The following RGS5 variants were observed in gnomAD, a reference collection of about 807,000 sequenced individuals.
RGS5 encodes the protein regulator of G-protein signalling 5.
In RGS5, 20 loss-of-function variants were observed where a neutral mutation model predicts 18.9. That is an observed-to-expected ratio of 1.06 (90% CI 0.74 to 1.54). RGS5 has a LOEUF of 1.54. Among genes scored for constraint, RGS5 ranks in the 40% most tolerant of loss-of-function variants. The pLI, the probability that RGS5 is intolerant of heterozygous loss-of-function variation, is 0.00. For missense variants in RGS5, 201 were observed against 211.8 expected (o/e 0.95, Z 0.32); for synonymous variants, 57 against 76.2 (o/e 0.75, Z 1.31).
At chr1:163,285,380 C>T (rs1382080345) in intron 2 of RGS5, among the ~76,000 whole-genome samples, 1 of 151,922 alleles carries the variant, frequency 6.6e-6, no homozygotes, top group Non-Finnish European at 1.5e-5. Context: ...CATGGTGAAA[C>T]CCTGTCTCTA....
At chr1:163,217,653 C>T (rs1407910732), upstream of RGS5, 1 of 1,502,012 alleles carries the variant, frequency 6.7e-7, no homozygotes, top group Non-Finnish European at 8.9e-7. Flanking sequence ...GGCTAGTGTT[C>T]CTTAGAATTT....
intron 2 of RGS5, chr1:163,304,757 T>C (rs922336893): frequency 1.3e-5 from 2 of 152,240 alleles, no homozygotes; most frequent in East Asian, 3.8e-4. Context: ...AGGTGATCCC[T>C]AGATGTTTAA....
chr1:163,302,151 T>C (rs939976246), intron 2 of RGS5, among the ~76,000 whole-genome samples: 1 of 152,186 alleles, frequency 6.6e-6, no homozygotes, highest in South Asian at 2.1e-4. Flanking sequence ...CTCTGAAGAC[T>C]AGAGAAGAAT....
rs1657193010 is a variant in RGS5 at position 163,147,644 on chromosome 1, T to C, written c.385-141A>G. The C allele has an allele frequency of 1.7e-5, 13 of 757,334 alleles. No individual in the cohort carries two copies. The East Asian group carries it at 3.8e-4, about 22-fold the overall frequency. 46.9% of individuals were successfully genotyped at this position (757,334 alleles called of 1,614,324 possible). A position where few individuals can be genotyped will look rare whatever the true frequency, so the allele number is the denominator to read the frequency against. The stretch of plus-strand genomic sequence containing the variant: ...AAAACTGAGACATGTCACTTCTCAC[T>C]TTATAGGCGATGGGATAAGGCAGCT... On this transcript the variant is annotated intron_variant, in intron 4 of 4. Coordinates refer to ENST00000313961, the MANE Select transcript of RGS5 (RefSeq NM_003617.4).
chr1:163,234,891 T>G (rs1052454238), intron 2 of RGS5, among the ~76,000 whole-genome samples: 1 of 152,174 alleles, frequency 6.6e-6, no homozygotes, highest in Non-Finnish European at 1.5e-5. Flanking sequence ...TTTCTCCATG[T>G]TTTCTTTCAT....
intron 2 of RGS5, among the ~76,000 whole-genome samples, chr1:163,284,731 C>CT (rs1649099544): frequency 6.6e-6 from 1 of 152,042 alleles, no homozygotes; most frequent in Non-Finnish European, 1.5e-5. Context: ...TGTCTTCCCT[C>CT]TTTCCTTTCC....
chr1:163,314,447 A>G (rs761584598), intron 1 of RGS5, among the ~76,000 whole-genome samples: 9 of 152,112 alleles, frequency 5.9e-5, no homozygotes, highest in Non-Finnish European at 8.8e-5. Context: ...AAGGGTCCAT[A>G]TTAGAAAATG....
intron 1 of RGS5, among the ~76,000 whole-genome samples, chr1:163,214,571 T>G (rs1194510244): frequency 6.6e-6 from 1 of 152,072 alleles, no homozygotes; most frequent in East Asian, 1.9e-4. Flanking sequence ...ACAACCATGC[T>G]TCAGTCTCTC....
intron 2 of RGS5, among the ~76,000 whole-genome samples, chr1:163,272,398 G>T (rs780566011): frequency 2.0e-5 from 3 of 152,026 alleles, no homozygotes; most frequent in Non-Finnish European, 4.4e-5. Flanking sequence ...AGGCACAAAA[G>T]TTCTCAATTT....
chr1:163,165,510 G>A (rs959144259), intron 2 of RGS5, among the ~76,000 whole-genome samples: 1 of 152,194 alleles, frequency 6.6e-6, no homozygotes, highest in African/African-American at 2.4e-5. Flanking sequence ...AGAGCCTTAA[G>A]GAATGCTCAC....
chr1:163,304,668 C>T (rs1649648382), intron 2 of RGS5: 1 of 152,192 alleles, frequency 6.6e-6, no homozygotes, highest in African/African-American at 2.4e-5. Flanking sequence ...ATACTGCCAG[C>T]ACCTACTATA....
At chr1:163,172,682 T>C (rs1411294336) in intron 1 of RGS5, 41 of 1,382,806 alleles carry the variant, frequency 3.0e-5, no homozygotes, top group Admixed American at 7.4e-5. Flanking sequence ...GGCTCAAGTA[T>C]AGAGCATTAT....
At chr1:163,200,445 A>G (rs1222688664) in intron 1 of RGS5, among the ~76,000 whole-genome samples, 1 of 152,138 alleles carries the variant, frequency 6.6e-6, no homozygotes, top group South Asian at 2.1e-4. Flanking sequence ...CTTGGAGAGA[A>G]GAAATGCAAA....
intron 1 of RGS5, among the ~76,000 whole-genome samples, chr1:163,216,639 C>T (rs1448703529): frequency 2.0e-5 from 3 of 152,150 alleles, no homozygotes; most frequent in African/African-American, 7.2e-5. Flanking sequence ...ATCACAAAAA[C>T]TGTGCTGAGT....
intron 2 of RGS5, among the ~76,000 whole-genome samples, chr1:163,264,154 C>A (rs1033840646): frequency 1.3e-5 from 2 of 152,014 alleles, no homozygotes; most frequent in Non-Finnish European, 2.9e-5. Context: ...TGGTTTAAGG[C>A]ATTATATCTT....
At position 163,200,178 on chromosome 1, in the gene RGS5, T is replaced by A. The variant is rs1659722140; in HGVS notation, c.44+2614A>T. Among the ~76,000 whole-genome samples the A allele has an allele frequency of 2.0e-5, 3 of 152,122 alleles. No individual in the cohort carries two copies. In the South Asian group the frequency reaches 6.2e-4, roughly 32 times the overall value. ...ATTTGCTCAGGGACACAAATTCAGATAATGACAAAATTGAGTCTGCACCTT... is the reference window on the plus strand; with the variant it reads ...ATTTGCTCAGGGACACAAATTCAGAAAATGACAAAATTGAGTCTGCACCTT... On this transcript the variant is annotated intron_variant, in intron 1 of 4. Coordinates refer to ENST00000313961, the MANE Select transcript of RGS5 (RefSeq NM_003617.4).
chr1:163,146,437 A>T lies in RGS5; in HGVS notation c.*905T>A, dbSNP rs1249506025. 1 of 152,160 alleles carries T rather than the reference A, an allele frequency of 6.6e-6. No homozygotes were observed. Among genetic ancestry groups the T allele is most frequent in the East Asian group, 1.9e-4 (1 of 5,198 alleles). The allele number at this position is 152,160 out of a possible 1,614,324, so 9.4% of individuals were successfully genotyped here. On this transcript the variant is annotated 3_prime_UTR_variant, in exon 5 of 5. Transcript: ENST00000313961. Reference sequence around the variant, plus strand: ...TATTTTCTCTTTTTAGCATATAGCCATCTTGATATTTAGGTGGGAGACTAC... The same window carrying T: ...TATTTTCTCTTTTTAGCATATAGCCTTCTTGATATTTAGGTGGGAGACTAC...
rs114556937 is a variant in RGS5 at position 163,189,437 on chromosome 1, C to T, written c.44+13355G>A. On this transcript the variant is annotated intron_variant, in intron 1 of 4. Coordinates refer to ENST00000313961, the MANE Select transcript of RGS5 (RefSeq NM_003617.4). ...CAAAATAAACAGAAAAATAAAGAGACGTAAAATGGTACTCATGCAAGCACG... is the reference window on the plus strand; with the variant it reads ...CAAAATAAACAGAAAAATAAAGAGATGTAAAATGGTACTCATGCAAGCACG... Among the ~76,000 whole-genome samples, 898 of 152,186 alleles carry T rather than the reference C, an allele frequency of 5.9e-3. 8 individuals carry two copies. The highest frequency in any genetic ancestry group is 0.021 in the African/African-American group (856 of 41,524).
rs181090180 is a variant in RGS5, at chr1:163,310,045, T to C, written c.-377-3716A>G. Among the ~76,000 whole-genome samples, 43 of 152,286 alleles carry C rather than the reference T, an allele frequency of 2.8e-4. No individual in the cohort carries two copies. The East Asian group carries it at 7.7e-3, about 27-fold the overall frequency. On this transcript the variant is annotated intron_variant, in intron 1 of 5. Coordinates refer to the RGS5 transcript ENST00000618415. ...TTTTCCAGTCTCGACAGAGTCTCAA[T>C]AGGGAGCTTAAAATATTCAGTAAAC...
Sources: gnomAD v4.1 joint callset for allele counts (sites outside exome capture counted in the v4.1 genomes callset) on GRCh38, gnomAD v4.1.1 for gene constraint, MANE v1.5 for transcripts, NCBI Gene and HGNC (gene_info 2026-07-23, HGNC 2026-07-21) for gene names.